The following FARP2 variants were observed in gnomAD, a reference collection of about 807,000 sequenced individuals.
FARP2 encodes the protein FERM, ARH/RhoGEF and pleckstrin domain protein 2.
A neutral mutation model predicts 130.5 loss-of-function variants in FARP2; 111 were observed. That is an observed-to-expected ratio of 0.85 (90% CI 0.73 to 1.00). The LOEUF is 1.00. Among genes scored for constraint, FARP2 ranks in the 50% least tolerant of loss-of-function variants. The pLI is 0.00. For missense variants in FARP2, 1,385 were observed against 1,346.3 expected, an observed-to-expected ratio of 1.03 and a Z score of -0.45; for synonymous variants, 504 against 516.9, an observed-to-expected ratio of 0.98 and a Z score of 0.34.
At chr2:241,439,082 C>T (rs979101675) in intron 12 of FARP2, among the ~76,000 whole-genome samples, 1 of 151,702 alleles carries the variant, frequency 6.6e-6, no homozygotes, top group East Asian at 1.9e-4. Context: ...GCTGCATGAT[C>T]ACAGCTCGTT....
intron 2 of FARP2, among the ~76,000 whole-genome samples, chr2:241,402,494 C>G (rs1221147148): frequency 6.6e-6 from 1 of 151,950 alleles, no homozygotes; most frequent in Non-Finnish European, 1.5e-5. Context: ...TGTTTCTGTT[C>G]AGATGTTTTT....
intron 18 of FARP2, among the ~76,000 whole-genome samples, chr2:241,469,025 T>C (rs1446215471): frequency 6.6e-6 from 1 of 152,204 alleles, no homozygotes; most frequent in Non-Finnish European, 1.5e-5. Context: ...GGATGTGTTC[T>C]GATGGGAACT....
At chr2:241,486,250 T>C (rs1347153450) in intron 21 of FARP2, among the ~76,000 whole-genome samples, 1 of 150,468 alleles carries the variant, frequency 6.6e-6, no homozygotes, top group East Asian at 2.0e-4. Context: ...GTTTGAGACC[T>C]GCCTGGGGAA....
rs2061757804 is a variant in FARP2 at position 241,385,282 on chromosome 2, T to C, written c.183+11992T>C. ...CTGTTAATTTTCCTCAGTAAAGAAA[T>C]TGATGCTGCTTTTTAAATCATTCAA... On this transcript the variant is annotated intron_variant, in intron 2 of 26. Coordinates refer to ENST00000264042, the MANE Select transcript of FARP2 (RefSeq NM_014808.4). Among the ~76,000 whole-genome samples, 3 of 152,180 alleles carry C rather than the reference T, an allele frequency of 2.0e-5. No homozygotes were observed. In the South Asian group the frequency reaches 6.2e-4, roughly 31 times the overall value.
intron 19 of FARP2, chr2:241,478,462 C>A: frequency 3.7e-6 from 1 of 271,316 alleles, no homozygotes; most frequent in Non-Finnish European, 7.4e-6. Flanking sequence ...GTGGCACCTA[C>A]TTTCTCACCA....
intron 12 of FARP2, among the ~76,000 whole-genome samples, chr2:241,438,132 C>T (rs2063291049): frequency 6.6e-6 from 1 of 152,168 alleles, no homozygotes; most frequent in African/African-American, 2.4e-5. Flanking sequence ...TTTTATGTAA[C>T]ATATCATAAC....
At chr2:241,473,650 CT>C (rs556913199) in intron 18 of FARP2, among the ~76,000 whole-genome samples, 128 of 152,268 alleles carry the variant, frequency 8.4e-4, no homozygotes, top group African/African-American at 3.0e-3. Context: ...CACTGGTGCT[CT>C]TTGAGTGGAT....
chr2:241,419,024 C>G (rs923700170), intron 8 of FARP2, among the ~76,000 whole-genome samples: 20 of 152,160 alleles, frequency 1.3e-4, no homozygotes, highest in African/African-American at 4.8e-4. Flanking sequence ...AGCCCATTGC[C>G]TGCATGAGCT....
At chr2:241,442,778 G>A (rs902398009) in intron 13 of FARP2, 9 of 290,128 alleles carry the variant, frequency 3.1e-5, no homozygotes, top group Admixed American at 2.4e-4. Flanking sequence ...CTAGAGGACC[G>A]ATAAATTAGT....
chr2:241,431,643 G>A, intron 8 of FARP2, 36 bp from the exon 9 acceptor site: 2 of 1,057,926 alleles, frequency 1.9e-6, no homozygotes, highest in Non-Finnish European at 2.9e-6. Flanking sequence ...TTATGTGCCA[G>A]ATACAAATGT....
At chr2:241,427,951 A>T (rs973473415) in intron 8 of FARP2, among the ~76,000 whole-genome samples, 1 of 152,052 alleles carries the variant, frequency 6.6e-6, no homozygotes, top group Non-Finnish European at 1.5e-5. Context: ...TATTTTTAGT[A>T]GAGGCGGGGT....
chr2:241,480,683 T>TACACA (rs2124877181), intron 19 of FARP2, among the ~76,000 whole-genome samples: 1 of 152,136 alleles, frequency 6.6e-6, no homozygotes, highest in East Asian at 1.9e-4. Context: ...CAAAACTGTG[T>TACACA]ATTTATGAAA....
At chr2:241,404,936 C>T (rs1342856628) in intron 4 of FARP2, 95 bp downstream of exon 4, 9 of 890,472 alleles carry the variant, frequency 1.0e-5, no homozygotes, top group Admixed American at 5.7e-5. Flanking sequence ...TTCTCACCAC[C>T]GTGTATGGTT....
In FARP2 at chr2:241,411,108, T is replaced by G; in HGVS notation, c.486T>G (p.Leu162=). The change falls in exon 6 of 27, where the codon CTT becomes CTG. Residue 162 remains leucine, a synonymous_variant. Transcript: ENST00000264042. ...RLTCADTTAA[L]LTSHLLQSEI... ...CCTGTGCTGACACCACAGCGGCCCT[T>G]CTCACGTCCCATCTCCTGCAGTGTG... 1 of 1,611,356 alleles carries G rather than the reference T, an allele frequency of 6.2e-7. No homozygotes were observed.
chr2:241,465,472 C>T (rs575718290), intron 17 of FARP2: 5 of 1,550,498 alleles, frequency 3.2e-6, no homozygotes, highest in Non-Finnish European at 4.4e-6. Flanking sequence ...GTTCCAGCTC[C>T]ACGAAGGGCA....
intron 2 of FARP2, among the ~76,000 whole-genome samples, chr2:241,394,215 A>G (rs913879885): frequency 1.1e-4 from 17 of 152,158 alleles, no homozygotes; most frequent in African/African-American, 4.1e-4. Flanking sequence ...AGAAGATTTG[A>G]AAGGATAAAA....
In FARP2 at chr2:241,412,030, C is replaced by A. The variant is rs373361221; in HGVS notation, c.508+900C>A. 5.3e-5 allele frequency among the ~76,000 whole-genome samples: 8 copies of A among 152,266 alleles called. No homozygotes were observed. In the East Asian group the frequency reaches 9.6e-4, roughly 18 times the overall value. ...AACCAGATCTTTTTGCTATAAAAAA[C>A]ATAATTGGGCAGTTGGTAAAATATG... is the stretch of plus-strand genomic sequence containing the variant. On this transcript the variant is annotated intron_variant, in intron 6 of 26. Transcript: ENST00000264042.
rs562576527 is a variant in FARP2, at chr2:241,441,523, C to G, written c.1378C>G (p.Pro460Ala). 3 of 1,613,986 alleles carry G rather than the reference C, an allele frequency of 1.9e-6. No homozygotes were observed. The East Asian group carries it at 6.7e-5, about 36-fold the overall frequency. ...AGGCCCCGACACACCATCGGCCCAGCCCCTCGGGCCCCCCGCACTCCAGCC... is the reference window on the plus strand; with the variant it reads ...AGGCCCCGACACACCATCGGCCCAGGCCCTCGGGCCCCCCGCACTCCAGCC... ...AGGPDTPSAQ[P>A]LGPPALQPGP... Residue 460 changes from proline (P) to alanine (A), a missense_variant, in exon 13 of 27, where the codon CCC (proline) becomes GCC (alanine). By Grantham distance (27) the Pro-to-Ala change is conservative. Transcript: ENST00000264042.
chr2:241,417,770 A>C (rs1487446323), intron 7 of FARP2, among the ~76,000 whole-genome samples, 192 bp from the exon 8 acceptor site: 1 of 152,234 alleles, frequency 6.6e-6, no homozygotes, highest in East Asian at 1.9e-4. Context: ...GAATAGAAGA[A>C]AACTGAGGAT....
Sources: allele counts gnomAD v4.1 joint callset (sites outside exome capture counted in the v4.1 genomes callset), GRCh38; gene constraint gnomAD v4.1.1; transcripts MANE v1.5; gene names NCBI Gene and HGNC (gene_info 2026-07-23, HGNC 2026-07-21).